SNX7: variants seen among roughly 807,000 people sequenced by gnomAD.
The protein encoded by SNX7 is sorting nexin-7.
In SNX7, 35 loss-of-function variants were observed where a neutral mutation model predicts 48.4. The ratio of observed to expected loss-of-function variants is 0.72; its 90% CI spans 0.55 to 0.96. The LOEUF (loss-of-function observed/expected upper bound fraction) is 0.96. Among genes scored for constraint, SNX7 ranks in the 40% least tolerant of loss-of-function variants. SNX7 has a pLI of 0.00. For synonymous variants in SNX7, 190 were observed against 190.2 expected (o/e 1.00, Z 0.01); for missense variants, 553 against 548.9 (o/e 1.01, Z -0.07).
chr1:98,671,352 T>C (rs1649853118), intron 1 of SNX7, among the ~76,000 whole-genome samples: 1 of 152,168 alleles, frequency 6.6e-6, no homozygotes, highest in South Asian at 2.1e-4. Flanking sequence ...TAATAGTGTG[T>C]TACCTCTAGT....
intron 7 of SNX7, among the ~76,000 whole-genome samples, chr1:98,703,571 C>G (rs1042183673): frequency 1.3e-5 from 2 of 151,918 alleles, no homozygotes; most frequent in African/African-American, 4.8e-5. Context: ...GAAAACTCAT[C>G]TTTATTATTT....
At chr1:98,711,560 T>C (rs1292024859) in intron 7 of SNX7, among the ~76,000 whole-genome samples, 3 of 152,208 alleles carry the variant, frequency 2.0e-5, no homozygotes, top group Non-Finnish European at 2.9e-5. Context: ...TAGCATTATG[T>C]GTAAAAAATG....
At chr1:98,698,047 A>G (rs1375532118) in intron 5 of SNX7, among the ~76,000 whole-genome samples, 1 of 152,130 alleles carries the variant, frequency 6.6e-6, no homozygotes, top group African/African-American at 2.4e-5. Context: ...TAATTTAACT[A>G]ATTTAATTTA....
At chr1:98,728,192 C>T (rs1050995425) in intron 7 of SNX7, among the ~76,000 whole-genome samples, 14 of 152,274 alleles carry the variant, frequency 9.2e-5, no homozygotes, top group African/African-American at 3.4e-4. Context: ...GACCTCTTAG[C>T]AGAAACCCTG....
chr1:98,729,724 C>T (rs1653394439), intron 7 of SNX7, among the ~76,000 whole-genome samples: 1 of 152,030 alleles, frequency 6.6e-6, no homozygotes, highest in Non-Finnish European at 1.5e-5. Flanking sequence ...GAAGTTGAAT[C>T]CTTGAATAGA....
chr1:98,677,937 TTATATC>T (rs1416002088), intron 1 of SNX7, among the ~76,000 whole-genome samples: 1 of 152,004 alleles, frequency 6.6e-6, no homozygotes, highest in Non-Finnish European at 1.5e-5. Context: ...TCTTGGTATT[TTATATC>T]TGTATCTAGC....
chr1:98,673,772 T>G (rs1168625028), intron 1 of SNX7, among the ~76,000 whole-genome samples: 1 of 152,220 alleles, frequency 6.6e-6, no homozygotes, highest in Non-Finnish European at 1.5e-5. Flanking sequence ...CACAAATTTA[T>G]TCACCTGTAA....
intron 1 of SNX7, among the ~76,000 whole-genome samples, chr1:98,667,143 T>G (rs1020124327): frequency 5.3e-5 from 8 of 152,222 alleles, no homozygotes; most frequent in Non-Finnish European, 1.0e-4. Flanking sequence ...AAAATCGTTT[T>G]ATACGACTAT....
At chr1:98,740,148 C>G (rs1481507813) in intron 8 of SNX7, among the ~76,000 whole-genome samples, 1 of 152,080 alleles carries the variant, frequency 6.6e-6, no homozygotes, top group Non-Finnish European at 1.5e-5. Context: ...ATTTTTTATT[C>G]TGGTAACAAC....
chr1:98,671,550 T>C (rs1649863163), intron 1 of SNX7, among the ~76,000 whole-genome samples: 1 of 152,088 alleles, frequency 6.6e-6, no homozygotes, highest in East Asian at 1.9e-4. Context: ...TTGAGTATAA[T>C]TTACATACCA....
In SNX7 at chr1:98,696,308, A is replaced by G. The variant is rs150528977; in HGVS notation, c.838+592A>G. Among the ~76,000 whole-genome samples, 65 of 152,212 alleles carry G rather than the reference A, an allele frequency of 4.3e-4. No homozygotes were observed. In the East Asian group the frequency reaches 0.01, roughly 24 times the overall value. On this transcript the variant is annotated intron_variant, in intron 5 of 8. Coordinates refer to ENST00000306121, the MANE Select transcript of SNX7 (RefSeq NM_015976.5). ...TAACTGAGTCAGCAAATAATTTCCT[A>G]ATATAATTTGTTATTAGAGATGAGG...
intron 5 of SNX7, among the ~76,000 whole-genome samples, chr1:98,697,568 AT>A (rs1363814729): frequency 6.6e-6 from 1 of 152,300 alleles, no homozygotes; most frequent in Admixed American, 6.5e-5. Context: ...TTTTGAATAC[AT>A]AGCGTATCAA....
chr1:98,753,394 G>A (rs1051607876), intron 8 of SNX7, among the ~76,000 whole-genome samples: 3 of 152,010 alleles, frequency 2.0e-5, no homozygotes, highest in African/African-American at 7.2e-5. Context: ...TAGCATGGAC[G>A]ACTACTGAAT....
At chr1:98,686,297 G>T (rs185291048) in intron 2 of SNX7, among the ~76,000 whole-genome samples, 17 of 152,184 alleles carry the variant, frequency 1.1e-4, no homozygotes, top group Admixed American at 1.1e-3. Flanking sequence ...AATATCAAAA[G>T]CATATATTTA....
chr1:98,708,230 G>T (rs943779611), intron 7 of SNX7, among the ~76,000 whole-genome samples: 2 of 152,098 alleles, frequency 1.3e-5, no homozygotes, highest in African/African-American at 4.8e-5. Context: ...ATCCACACAT[G>T]TATACATATA....
intron 7 of SNX7, among the ~76,000 whole-genome samples, chr1:98,708,634 A>G (rs1652138633): frequency 6.6e-6 from 1 of 152,258 alleles, no homozygotes; most frequent in East Asian, 1.9e-4. Flanking sequence ...GCTGTAATCA[A>G]GAAGGCCCTC....
chr1:98,683,134 A>G (rs953556304), intron 1 of SNX7, among the ~76,000 whole-genome samples: 8 of 152,104 alleles, frequency 5.3e-5, no homozygotes, highest in African/African-American at 1.9e-4. Flanking sequence ...TGGTTTTTTA[A>G]AAAGTGTTTA....
At chr1:98,667,909 GA>G (rs1491559573) in intron 1 of SNX7, among the ~76,000 whole-genome samples, 1 of 149,882 alleles carries the variant, frequency 6.7e-6, no homozygotes, top group African/African-American at 2.5e-5. Context: ...TGATGATTAG[GA>G]AAAAAAAAAC....
At chr1:98,706,109 A>G (rs1261058170) in intron 7 of SNX7, among the ~76,000 whole-genome samples, 1 of 152,180 alleles carries the variant, frequency 6.6e-6, no homozygotes, top group Admixed American at 6.5e-5. Flanking sequence ...TTAATTGACT[A>G]TTTACCATAT....
Sources: gnomAD v4.1 joint callset for allele counts (sites outside exome capture counted in the v4.1 genomes callset) on GRCh38, gnomAD v4.1.1 for gene constraint, MANE v1.5 for transcripts, NCBI Gene and HGNC (gene_info 2026-07-23, HGNC 2026-07-21) for gene names.